Variants in CC2D2A observed in about 807,000 individuals in gnomAD.
CC2D2A encodes coiled-coil and C2 domain containing 2A.
In CC2D2A, 155 loss-of-function variants were observed where a neutral mutation model predicts 212.9. That is an observed-to-expected ratio of 0.73 (90% CI 0.64 to 0.83). CC2D2A has a LOEUF of 0.83. Among genes scored for constraint, CC2D2A ranks in the 40% least tolerant of loss-of-function variants. CC2D2A has a pLI of 0.00. For missense variants in CC2D2A, 1,856 were observed against 1,956.2 expected, an observed-to-expected ratio of 0.95 and a Z score of 0.97; for synonymous variants, 667 against 686.5, an observed-to-expected ratio of 0.97 and a Z score of 0.44.
intron 32 of CC2D2A, 148 bp from the exon 33 acceptor site, chr4:15,589,397 C>G: frequency 1.3e-6 from 1 of 761,078 alleles, no homozygotes; most frequent in Non-Finnish European, 2.1e-6. Context: ...TTCAGCATAA[C>G]CTAGAACTTC....
At chr4:15,500,099 GTGTGTGTGTATATA>G (rs1195257647) in intron 4 of CC2D2A, among the ~76,000 whole-genome samples, 21 of 69,826 alleles carry the variant, frequency 3.0e-4, no homozygotes, top group Non-Finnish European at 4.5e-4. Context: ...GTGTGTGTGT[GTGTGTGTGTATATA>G]TATATATATA....
chr4:15,583,940 G>T (rs1434613732), intron 30 of CC2D2A, among the ~76,000 whole-genome samples: 1 of 141,998 alleles, frequency 7.0e-6, no homozygotes, highest in African/African-American at 2.7e-5. Flanking sequence ...GACAGAGCGA[G>T]ACTCCATCTC....
At chr4:15,514,669 A>G in intron 8 of CC2D2A, 38 bp from the exon 9 acceptor site, 1 of 1,427,610 alleles carries the variant, frequency 7.0e-7, no homozygotes, top group Middle Eastern at 1.9e-4. Context: ...TAAGAATCTT[A>G]GCATGATTTT....
intron 11 of CC2D2A, among the ~76,000 whole-genome samples, chr4:15,517,223 A>G (rs1202128726): frequency 1.3e-5 from 2 of 151,846 alleles, no homozygotes; most frequent in Non-Finnish European, 2.9e-5. Flanking sequence ...CTGGGATTAC[A>G]GGTGTGAGCC....
At chr4:15,554,161 T>C (rs1719150176) in intron 19 of CC2D2A, among the ~76,000 whole-genome samples, 1 of 152,222 alleles carries the variant, frequency 6.6e-6, no homozygotes, top group African/African-American at 2.4e-5. Flanking sequence ...TGACTATGCC[T>C]TTGAATGTAA....
chr4:15,470,318 T>C (rs1277597000), intron 1 of CC2D2A, among the ~76,000 whole-genome samples: 2 of 152,156 alleles, frequency 1.3e-5, no homozygotes, highest in African/African-American at 2.4e-5. Context: ...TGAGTGAAAA[T>C]GCTCTCTGAC....
At chr4:15,584,169 G>A (rs182690293) in intron 30 of CC2D2A, among the ~76,000 whole-genome samples, 2 of 151,982 alleles carry the variant, frequency 1.3e-5, no homozygotes, top group East Asian at 3.9e-4. Context: ...AAATTCATAT[G>A]GAAATAAGAA....
intron 11 of CC2D2A, chr4:15,519,899 T>C (rs1717109344): frequency 8.2e-6 from 2 of 243,606 alleles, no homozygotes. Context: ...CCAAACCATA[T>C]CACTGGGACT....
intron 9 of CC2D2A, among the ~76,000 whole-genome samples, chr4:15,515,397 A>G (rs1396828557): frequency 6.6e-6 from 1 of 152,242 alleles, no homozygotes; most frequent in East Asian, 1.9e-4. Context: ...GAATGAATAA[A>G]TGAGGTAATG....
At chr4:15,483,171 A>C (rs1714793091) in intron 4 of CC2D2A, among the ~76,000 whole-genome samples, 1 of 152,262 alleles carries the variant, frequency 6.6e-6, no homozygotes, top group Non-Finnish European at 1.5e-5. Context: ...GAGCAGAGGA[A>C]GTATTATTAT....
Position 15,596,213 on chromosome 4 carries a change from A to G in CC2D2A, c.4437+6A>G. The G allele has an allele frequency of 6.6e-7, 1 of 1,508,886 alleles. No individual in the cohort carries two copies. The highest frequency in any genetic ancestry group is 8.9e-7 in the Non-Finnish European group (1 of 1,129,586). The allele number at this position is 1,508,886 out of a possible 1,614,324, so 93.5% of individuals were successfully genotyped here. ...CTGGCCTTTCCAGTGTTCAGGTATA[A>G]ATCTTTTATTAACAGTTAAATGTAG... On this transcript the variant is annotated splice_donor_region_variant and intron_variant, in intron 34 of 36. Transcript: ENST00000424120.
chr4:15,574,151 T>C lies in CC2D2A; in HGVS notation c.3596T>C (p.Ile1199Thr), dbSNP rs760918829. Reference sequence around the variant, plus strand: ...TACCAAGTCATATTTTCTTCACAGATTGATGGAACATTTAAAATAGATATT... The same window carrying C: ...TACCAAGTCATATTTTCTTCACAGACTGATGGAACATTTAAAATAGATATT... ...PFSTIYFQAR[I>T]DGTFKIDIPP... The change falls in exon 29 of 37, where the codon ATT becomes ACT. Residue 1199 changes from isoleucine to threonine, a missense_variant and splice_region_variant. Physicochemically the swap from Ile to Thr is moderately conservative, Grantham distance 89 (BLOSUM62 -1). Transcript: ENST00000424120. 3.2e-5 allele frequency: 49 copies of C among 1,539,870 alleles called. No homozygotes were observed. Among genetic ancestry groups the C allele is most frequent in the Non-Finnish European group, 4.0e-5 (46 of 1,141,198 alleles).
At chr4:15,528,787 T>A (rs1717651713) in intron 13 of CC2D2A, 61 bp downstream of exon 13, 1 of 1,204,526 alleles carries the variant, frequency 8.3e-7, no homozygotes, top group African/African-American at 1.5e-5. Context: ...CTTGTTAGAG[T>A]TTATTTTTCC....
chr4:15,556,801 TG>T (rs1719303167), intron 20 of CC2D2A, among the ~76,000 whole-genome samples: 1 of 152,212 alleles, frequency 6.6e-6, no homozygotes, highest in South Asian at 2.1e-4. Context: ...GATCCATCTC[TG>T]GCTAACTTTT....
intron 17 of CC2D2A, among the ~76,000 whole-genome samples, chr4:15,545,346 G>C (rs912151231): frequency 1.2e-4 from 18 of 152,100 alleles, no homozygotes; most frequent in African/African-American, 4.3e-4. Flanking sequence ...CAACCAAGTG[G>C]TCAATGTTTT....
At chr4:15,533,124 C>A in intron 13 of CC2D2A, 69 bp from the exon 14 acceptor site, 1 of 1,269,602 alleles carries the variant, frequency 7.9e-7, no homozygotes, top group Non-Finnish European at 1.1e-6. Flanking sequence ...ATCACTGTAG[C>A]ATTATTAATT....
At position 15,475,651 on chromosome 4, in the gene CC2D2A, G is replaced by A. The variant is rs1714161479; in HGVS notation, c.-18-264G>A. 2.6e-5 allele frequency among the ~76,000 whole-genome samples: 4 copies of A among 152,114 alleles called. No individual in the cohort carries two copies. The South Asian group carries it at 8.3e-4, about 32-fold the overall frequency. ...AGATGAGCTGTAAAATGGTCCTTCT[G>A]GAGCTGGATTCCAACCAGTGCCATC... On this transcript the variant is annotated intron_variant, in intron 1 of 36. Coordinates refer to ENST00000424120, the MANE Select transcript of CC2D2A (RefSeq NM_001378615.1).
Position 15,477,775 on chromosome 4 carries a change from C to T in CC2D2A, c.40-948C>T, listed in dbSNP as rs140930899. The stretch of plus-strand genomic sequence containing the variant: ...AAACCAAGGCTATTCTCTCGTTCGA[C>T]CTCACTTCCGTCCTCTGTTATTGCG... On this transcript the variant is annotated intron_variant, in intron 2 of 36. Coordinates refer to ENST00000424120, the MANE Select transcript of CC2D2A (RefSeq NM_001378615.1). 2.5e-4 allele frequency among the ~76,000 whole-genome samples: 38 copies of T among 152,304 alleles called. No homozygotes were observed. In the East Asian group the frequency reaches 6.9e-3, roughly 28 times the overall value.
chr4:15,566,374 T>G (rs965947992), intron 24 of CC2D2A, among the ~76,000 whole-genome samples: 4 of 152,144 alleles, frequency 2.6e-5, no homozygotes, highest in Non-Finnish European at 5.9e-5. Context: ...GAACCTGGAC[T>G]GGATGGAGAT....
Sources: gnomAD v4.1 joint callset for allele counts (sites outside exome capture counted in the v4.1 genomes callset) on GRCh38, gnomAD v4.1.1 for gene constraint, MANE v1.5 for transcripts, NCBI Gene and HGNC (gene_info 2026-07-23, HGNC 2026-07-21) for gene names.